The following PLCL1 variants were observed in gnomAD, a reference collection of about 807,000 sequenced individuals.
The protein encoded by PLCL1 is phospholipase C like 1 (inactive).
In PLCL1, 41 loss-of-function variants were observed where a neutral mutation model predicts 84.4. The ratio of observed to expected loss-of-function variants is 0.49; its 90% confidence interval spans 0.38 to 0.63. PLCL1 has a LOEUF of 0.63. PLCL1 is among the 30% of genes least tolerant of loss of function. PLCL1 has a pLI of 0.00. For synonymous variants in PLCL1, 490 were observed against 488.3 expected, an observed-to-expected ratio of 1.00 and a Z score of -0.05; for missense variants, 1,206 against 1,367.8, an observed-to-expected ratio of 0.88 and a Z score of 1.87.
chr2:197,934,319 A>G (rs770331531), intron 1 of PLCL1, among the ~76,000 whole-genome samples: 6 of 152,350 alleles, frequency 3.9e-5, no homozygotes, highest in Non-Finnish European at 7.3e-5. Flanking sequence ...AAAATACCTA[A>G]TGGATCCCTG....
chr2:198,068,256 C>A (rs1185621549), intron 1 of PLCL1, among the ~76,000 whole-genome samples: 2 of 152,056 alleles, frequency 1.3e-5, no homozygotes, highest in African/African-American at 4.8e-5. Flanking sequence ...TGTCACTATA[C>A]CAGTTCTACA....
intron 1 of PLCL1, among the ~76,000 whole-genome samples, chr2:198,002,982 C>G (rs551801537): frequency 2.0e-5 from 3 of 152,192 alleles, no homozygotes; most frequent in South Asian, 4.2e-4. Flanking sequence ...AACTATGTTA[C>G]CATTTCTAAG....
intron 1 of PLCL1, among the ~76,000 whole-genome samples, chr2:197,956,533 A>T (rs570187689): frequency 6.6e-6 from 1 of 152,300 alleles, no homozygotes; most frequent in South Asian, 2.1e-4. Flanking sequence ...TTACATTCCT[A>T]CCAACAGCGT....
chr2:197,976,125 A>G (rs1456294306), intron 1 of PLCL1, among the ~76,000 whole-genome samples: 1 of 152,038 alleles, frequency 6.6e-6, no homozygotes, highest in Admixed American at 6.5e-5. Context: ...CATTTCTTTC[A>G]ATTTTCTGGC....
intron 1 of PLCL1, among the ~76,000 whole-genome samples, chr2:197,861,362 A>G (rs1335504947): frequency 6.6e-6 from 1 of 152,190 alleles, no homozygotes; most frequent in African/African-American, 2.4e-5. Context: ...TAAAGAAGGC[A>G]TGGAAGCTCT....
chr2:198,022,151 A>T (rs1367595989), intron 1 of PLCL1, among the ~76,000 whole-genome samples: 1 of 152,254 alleles, frequency 6.6e-6, no homozygotes, highest in Non-Finnish European at 1.5e-5. Flanking sequence ...TTATCTCAAT[A>T]GATGCAGAAA....
At chr2:198,118,134 C>G (rs10180112) in intron 5 of PLCL1, among the ~76,000 whole-genome samples, 126,831 of 151,848 alleles carry the variant, frequency 0.84, 53,748 homozygotes, top group East Asian at 1. Context: ...AATGTATTCT[C>G]AGCTGTTCTT....
chr2:197,875,090 A>G (rs1316651925), intron 1 of PLCL1, among the ~76,000 whole-genome samples: 4 of 152,168 alleles, frequency 2.6e-5, no homozygotes, highest in African/African-American at 9.7e-5. Flanking sequence ...TTTTGAGACC[A>G]GCCTGGCCAA....
At chr2:198,114,096 A>T (rs534853570) in intron 5 of PLCL1, among the ~76,000 whole-genome samples, 71 of 152,014 alleles carry the variant, frequency 4.7e-4, no homozygotes, top group Middle Eastern at 6.8e-3. Context: ...TCTATAATTT[A>T]AAAAAAGCCA....
chr2:198,044,898 G>C (rs115220833), intron 1 of PLCL1, among the ~76,000 whole-genome samples: 42 of 152,154 alleles, frequency 2.8e-4, no homozygotes, highest in Middle Eastern at 3.4e-3. Context: ...ACTCTGTAAG[G>C]TCAGCAAGCA....
intron 1 of PLCL1, among the ~76,000 whole-genome samples, chr2:197,815,985 A>G (rs1690678754): frequency 6.6e-6 from 1 of 152,192 alleles, no homozygotes; most frequent in Non-Finnish European, 1.5e-5. Flanking sequence ...AGAATATTAC[A>G]TAAACCTATT....
At chr2:197,897,629 G>A (rs971033415) in intron 1 of PLCL1, among the ~76,000 whole-genome samples, 3 of 152,034 alleles carry the variant, frequency 2.0e-5, no homozygotes, top group Non-Finnish European at 4.4e-5. Context: ...ATTTGTTAAT[G>A]AACATTTTTA....
chr2:198,041,667 A>G (rs1427809488), intron 1 of PLCL1, among the ~76,000 whole-genome samples: 1 of 152,214 alleles, frequency 6.6e-6, no homozygotes, highest in Non-Finnish European at 1.5e-5. Context: ...CCTGGAAGTA[A>G]ATACTGAATA....
intron 1 of PLCL1, among the ~76,000 whole-genome samples, chr2:198,049,694 T>C (rs1360216901): frequency 1.3e-5 from 2 of 152,162 alleles, no homozygotes; most frequent in Non-Finnish European, 2.9e-5. Context: ...GTGCTGTAAA[T>C]CATAGCATCC....
chr2:197,863,269 G>A (rs1687467917), intron 1 of PLCL1, among the ~76,000 whole-genome samples: 1 of 151,748 alleles, frequency 6.6e-6, no homozygotes, highest in Non-Finnish European at 1.5e-5. Context: ...AAGGCTTGAT[G>A]CTGTTTATAA....
At chr2:197,879,048 C>T (rs1420292494) in intron 1 of PLCL1, among the ~76,000 whole-genome samples, 1 of 152,206 alleles carries the variant, frequency 6.6e-6, no homozygotes, top group African/African-American at 2.4e-5. Context: ...CTTCCTCCCG[C>T]TGGGGCACAG....
intron 1 of PLCL1, among the ~76,000 whole-genome samples, chr2:198,020,465 C>A (rs1168541353): frequency 1.3e-5 from 2 of 151,786 alleles, no homozygotes; most frequent in African/African-American, 4.8e-5. Context: ...GACTCAAGAC[C>A]TATTGGTGTG....
intron 5 of PLCL1, among the ~76,000 whole-genome samples, chr2:198,117,805 T>C (rs1693779308): frequency 6.6e-6 from 1 of 151,822 alleles, no homozygotes; most frequent in African/African-American, 2.4e-5. Flanking sequence ...TAACAATGTA[T>C]ATTGTGTATC....
intron 5 of PLCL1, among the ~76,000 whole-genome samples, chr2:198,145,997 C>T (rs1384569673): frequency 6.6e-6 from 1 of 152,182 alleles, no homozygotes; most frequent in Non-Finnish European, 1.5e-5. Flanking sequence ...CACACTCAGT[C>T]ATTCAGCCCT....
Sources: allele counts gnomAD v4.1 joint callset (sites outside exome capture counted in the v4.1 genomes callset), GRCh38; gene constraint gnomAD v4.1.1; transcripts MANE v1.5; gene names NCBI Gene and HGNC (gene_info 2026-07-23, HGNC 2026-07-21).